CKAP5: variants seen among roughly 807,000 people sequenced by gnomAD.
CKAP5 encodes cytoskeleton associated protein 5, also known as cytoskeleton-associated protein 5.
A neutral mutation model predicts 232.8 loss-of-function variants in CKAP5; 27 were observed. The ratio of observed to expected loss-of-function variants is 0.12; its 90% CI spans 0.09 to 0.16. CKAP5 has a LOEUF of 0.16. Among genes scored for constraint, CKAP5 ranks in the 10% least tolerant of loss-of-function variants. The probability of loss-of-function intolerance (pLI) is 1.00; values close to 1 mark genes in which losing one functional copy is unlikely to be tolerated. For missense variants in CKAP5, 1,838 were observed against 2,424.7 expected (o/e 0.76, Z 5.08); for synonymous variants, 785 against 841.1 (o/e 0.93, Z 1.16).
At chr11:46,793,396 TAA>T (rs1433026123) in intron 13 of CKAP5, among the ~76,000 whole-genome samples, 2 of 152,200 alleles carry the variant, frequency 1.3e-5, no homozygotes, top group Non-Finnish European at 2.9e-5. Context: ...CTCTCACTCT[TAA>T]GAGAGTCCAC....
rs139226217 is a variant in CKAP5, at chr11:46,763,089, C to T, written c.3778G>A (p.Val1260Ile). The T allele has an allele frequency of 3.7e-6, 6 of 1,613,212 alleles. No individual in the cohort carries two copies. Among genetic ancestry groups the T allele is most frequent in the South Asian group, 1.1e-5 (1 of 91,070 alleles). ...AAATATTCTAGTGCTTTCATCAGGA[C>T]GCTTGTATTGGTGTCAAAAAACCTC... ...TLRFFDTNTS[V>I]LMKALEYLKL... is the part of the protein sequence containing the mutation. The change falls in exon 30 of 44, where the codon GTC (valine) becomes ATC (isoleucine). Residue 1260 changes from valine to isoleucine, a missense_variant. This residue lies in a region of CKAP5 where 48 missense variants were observed against 98.1 expected (regional missense o/e 0.49). Transcript: ENST00000529230.
chr11:46,795,344 A>G (rs1186455954), intron 13 of CKAP5, among the ~76,000 whole-genome samples: 5 of 151,546 alleles, frequency 3.3e-5, no homozygotes, highest in Admixed American at 1.3e-4. Flanking sequence ...AAAAAAAGTT[A>G]AGATAGTAAA....
chr11:46,844,934 G>A (rs1397518880), intron 1 of CKAP5, among the ~76,000 whole-genome samples: 1 of 152,196 alleles, frequency 6.6e-6, no homozygotes, highest in Admixed American at 6.5e-5. Context: ...GATTACAGGC[G>A]TCAGCCACCG....
rs575133934 is a variant in CKAP5 at position 46,771,273 on chromosome 11, C to T, written c.2992-291G>A. Among the ~76,000 whole-genome samples, 11 of 152,282 alleles carry T rather than the reference C, an allele frequency of 7.2e-5. No individual in the cohort carries two copies. In the East Asian group the frequency reaches 1.9e-3, roughly 27 times the overall value. ...AGATGAAAAACTTTTACTTATCTCC[C>T]TTTAGTTCTGAAAAATATTTAGCTA... On this transcript the variant is annotated intron_variant, in intron 24 of 43. Transcript: ENST00000529230.
intron 1 of CKAP5, among the ~76,000 whole-genome samples, chr11:46,839,468 A>G (rs1441977657): frequency 1.3e-5 from 2 of 152,214 alleles, no homozygotes; most frequent in Admixed American, 6.5e-5. Context: ...AAGAATCCTA[A>G]TTAGATTAAG....
chr11:46,782,997 T>G (rs181871393), intron 18 of CKAP5, among the ~76,000 whole-genome samples: 102 of 152,340 alleles, frequency 6.7e-4, no homozygotes, highest in Middle Eastern at 3.4e-3. Flanking sequence ...AATTTCCTAA[T>G]GTATTTGACT....
In CKAP5 at chr11:46,776,405, C is replaced by T. The variant is rs1451128320; in HGVS notation, c.2863-22G>A. The T allele has an allele frequency of 1.9e-6, 3 of 1,597,674 alleles. No homozygotes were observed. In the South Asian group the frequency reaches 3.4e-5, roughly 18 times the overall value. On this transcript the variant is annotated intron_variant, in intron 23 of 43. Coordinates refer to ENST00000529230, the MANE Select transcript of CKAP5 (RefSeq NM_001008938.4). ...TGTTCTAAATGGAGAAGATAATCAG[C>T]AAAAATAATATCTACTACAGTTTGG...
chr11:46,777,201 T>C (rs976721001), intron 23 of CKAP5, among the ~76,000 whole-genome samples: 6 of 152,144 alleles, frequency 3.9e-5, no homozygotes, highest in African/African-American at 7.2e-5. Flanking sequence ...ATTTCACAGA[T>C]AAAGAAACTG....
At chr11:46,766,324 C>CA (rs150266628) in intron 27 of CKAP5, among the ~76,000 whole-genome samples, 72 of 152,194 alleles carry the variant, frequency 4.7e-4, no homozygotes, top group Non-Finnish European at 7.5e-4. Flanking sequence ...AAAAATACTG[C>CA]AAAACACTCG....
At chr11:46,803,431 C>T (rs1009751883) in intron 8 of CKAP5, among the ~76,000 whole-genome samples, 3 of 151,940 alleles carry the variant, frequency 2.0e-5, no homozygotes, top group African/African-American at 7.3e-5. Flanking sequence ...ACCACACCTG[C>T]TAATGTTTCT....
chr11:46,824,709 T>C (rs1939613065), intron 1 of CKAP5, among the ~76,000 whole-genome samples: 1 of 152,186 alleles, frequency 6.6e-6, no homozygotes, highest in Non-Finnish European at 1.5e-5. Flanking sequence ...GTAAAACCAT[T>C]TGGAAGTTTC....
intron 13 of CKAP5, among the ~76,000 whole-genome samples, chr11:46,793,030 C>A (rs1938778657): frequency 6.6e-6 from 1 of 152,100 alleles, no homozygotes. Flanking sequence ...CTACTATACG[C>A]CAGAAACTAT....
chr11:46,831,861 C>CTT (rs71042624), intron 1 of CKAP5, among the ~76,000 whole-genome samples: 1,660 of 119,008 alleles, frequency 0.014, 63 homozygotes, highest in African/African-American at 0.043. Flanking sequence ...TAAACTTATC[C>CTT]TTTTTTTTTT....
Position 46,780,182 on chromosome 11 carries a change from T to C in CKAP5, c.2433+12A>G. The stretch of plus-strand genomic sequence containing the variant: ...GTCCACTAACAGATTGTATCATTTG[T>C]GGAAATTCTACCTTCTCAAATTCTG... On this transcript the variant is annotated intron_variant, in intron 20 of 43. Coordinates refer to ENST00000529230, the MANE Select transcript of CKAP5 (RefSeq NM_001008938.4). The C allele has an allele frequency of 1.2e-6, 2 of 1,613,912 alleles. No homozygotes were observed. Among genetic ancestry groups the C allele is most frequent in the Non-Finnish European group, 1.7e-6 (2 of 1,179,872 alleles).
At chr11:46,762,244 A>C (rs770172183) in intron 31 of CKAP5, 51 bp from the exon 32 acceptor site, 2 of 1,551,610 alleles carry the variant, frequency 1.3e-6, no homozygotes, top group Non-Finnish European at 1.8e-6. Context: ...TTTGGGACAG[A>C]GACTTATCCT....
At chr11:46,807,788 G>C (rs990528508) in intron 8 of CKAP5, among the ~76,000 whole-genome samples, 2 of 152,136 alleles carry the variant, frequency 1.3e-5, no homozygotes, top group Admixed American at 6.5e-5. Flanking sequence ...TCTTTTCCTA[G>C]AGAGTTACAG....
chr11:46,801,200 A>C lies in CKAP5; in HGVS notation c.1083T>G (p.His361Gln), dbSNP rs1367612475. 1 of 1,607,764 alleles carries C rather than the reference A, an allele frequency of 6.2e-7. No homozygotes were observed. The highest frequency in any genetic ancestry group is 2.2e-5 in the East Asian group (1 of 44,820). Residue 361 changes from histidine to glutamine, a missense_variant and splice_region_variant, in exon 9 of 44, where the codon CAT becomes CAG. By Grantham distance (24) the His-to-Gln change is conservative. Coordinates refer to ENST00000529230, the MANE Select transcript of CKAP5 (RefSeq NM_001008938.4). ...LRKKFGQYAG[H>Q]VVPTILEKFK... ...GTATCTAAAAAGGAGTGTTACTTAC[A>C]TGTCCTGCATATTGTCCAAATTTCT...
At chr11:46,766,290 A>C (rs2065202031) in intron 27 of CKAP5, among the ~76,000 whole-genome samples, 1 of 152,220 alleles carries the variant, frequency 6.6e-6, no homozygotes, top group African/African-American at 2.4e-5. Context: ...TTGGGAAAAA[A>C]ATTATGGCAT....
intron 28 of CKAP5, among the ~76,000 whole-genome samples, chr11:46,764,274 G>T (rs1202341154): frequency 2.0e-5 from 3 of 152,146 alleles, no homozygotes; most frequent in African/African-American, 7.2e-5. Context: ...CATTCTAGGA[G>T]TTTAATATAG....
Sources: allele counts gnomAD v4.1 joint callset (sites outside exome capture counted in the v4.1 genomes callset), GRCh38; gene constraint gnomAD v4.1.1; regional missense constraint gnomAD v4.1.1; transcripts MANE v1.5; gene names NCBI Gene and HGNC (gene_info 2026-07-23, HGNC 2026-07-21).